TAFA4: variants seen among roughly 807,000 people sequenced by gnomAD.
TAFA4 encodes the protein TAFA chemokine like family member 4.
A neutral mutation model predicts 21.1 loss-of-function variants in TAFA4; 20 were observed. The ratio of observed to expected loss-of-function variants is 0.95; its 90% CI spans 0.67 to 1.38. TAFA4 has a LOEUF of 1.38. Among genes scored for constraint, TAFA4 ranks in the 40% most tolerant of loss-of-function variants. The pLI, the probability that TAFA4 is intolerant of heterozygous loss-of-function variation, is 0.00. For synonymous variants in TAFA4, 71 were observed against 67.4 expected (o/e 1.05, Z -0.26); for missense variants, 211 against 180.9 (o/e 1.17, Z -0.95).
rs976994577 is a variant in TAFA4 at position 68,807,133 on chromosome 3, C to A, written c.131-54115G>T. ...CCCTTGTTTGCCTCAGCTGATCGGT[C>A]TAGGGCAGCTAATCCACAGGCTGGC... On this transcript the variant is annotated intron_variant, in intron 3 of 5. Transcript: ENST00000295569. Among the ~76,000 whole-genome samples the A allele has an allele frequency of 4.6e-5, 7 of 152,204 alleles. No individual in the cohort carries two copies. In the South Asian group the frequency reaches 1.4e-3, roughly 32 times the overall value.
intron 3 of TAFA4, among the ~76,000 whole-genome samples, chr3:68,808,226 C>T (rs1703746308): frequency 3.9e-5 from 6 of 152,146 alleles, no homozygotes; most frequent in Admixed American, 3.3e-4. Context: ...TGTTCACATA[C>T]ATGAGCAAGC....
At chr3:68,829,653 T>A (rs931678806) in intron 3 of TAFA4, among the ~76,000 whole-genome samples, 2 of 152,180 alleles carry the variant, frequency 1.3e-5, no homozygotes, top group Non-Finnish European at 2.9e-5. Flanking sequence ...AATTCTCTTT[T>A]TCTGTTGGGT....
intron 3 of TAFA4, among the ~76,000 whole-genome samples, chr3:68,868,287 G>C (rs917190882): frequency 6.6e-6 from 1 of 152,004 alleles, no homozygotes; most frequent in Admixed American, 6.6e-5. Flanking sequence ...AATTCAGCAA[G>C]AGGATATAAC....
At chr3:68,791,956 T>C (rs562083337) in intron 3 of TAFA4, among the ~76,000 whole-genome samples, 125 of 152,312 alleles carry the variant, frequency 8.2e-4, no homozygotes, top group African/African-American at 2.8e-3. Flanking sequence ...TCAGGCATAC[T>C]CCTGTACCCT....
intron 3 of TAFA4, among the ~76,000 whole-genome samples, chr3:68,754,504 G>C (rs1702621797): frequency 6.6e-6 from 1 of 152,152 alleles, no homozygotes; most frequent in Non-Finnish European, 1.5e-5. Flanking sequence ...GATTGTCCCA[G>C]AAGTGATTCT....
At chr3:68,737,228 T>G (rs549901068) in intron 5 of TAFA4, among the ~76,000 whole-genome samples, 2 of 152,174 alleles carry the variant, frequency 1.3e-5, no homozygotes, top group East Asian at 3.9e-4. Flanking sequence ...TACTCCAAGA[T>G]TTTCACTTAG....
intron 3 of TAFA4, among the ~76,000 whole-genome samples, chr3:68,808,335 C>A (rs1703748875): frequency 1.3e-5 from 2 of 152,312 alleles, no homozygotes; most frequent in South Asian, 4.2e-4. Context: ...TGTCTCCTGT[C>A]TCATGACCTC....
intron 3 of TAFA4, among the ~76,000 whole-genome samples, chr3:68,813,288 T>C (rs927479996): frequency 6.6e-6 from 1 of 151,934 alleles, no homozygotes; most frequent in Non-Finnish European, 1.5e-5. Flanking sequence ...AGCAAACACA[T>C]TCAAAAGCTA....
chr3:68,849,849 C>G (rs1471247775), intron 3 of TAFA4, among the ~76,000 whole-genome samples: 2 of 152,194 alleles, frequency 1.3e-5, no homozygotes, highest in African/African-American at 4.8e-5. Flanking sequence ...ACTTCAACAG[C>G]CCTCAACAGG....
At chr3:68,864,658 T>C (rs1429727773) in intron 3 of TAFA4, among the ~76,000 whole-genome samples, 1 of 152,150 alleles carries the variant, frequency 6.6e-6, no homozygotes, top group Non-Finnish European at 1.5e-5. Context: ...ACAGCAGCTG[T>C]ATTTATGATA....
At chr3:68,811,343 G>A (rs1021485618) in intron 3 of TAFA4, among the ~76,000 whole-genome samples, 1 of 152,186 alleles carries the variant, frequency 6.6e-6, no homozygotes, top group Non-Finnish European at 1.5e-5. Flanking sequence ...GACAAGCTGA[G>A]ACAAGAAGGC....
intron 1 of TAFA4, among the ~76,000 whole-genome samples, chr3:68,902,410 C>T (rs1244295699): frequency 6.6e-6 from 1 of 151,892 alleles, no homozygotes. Flanking sequence ...TTCTGTTGTT[C>T]AGGCTGGACT....
intron 3 of TAFA4, among the ~76,000 whole-genome samples, chr3:68,808,256 A>G (rs1211896063): frequency 2.0e-5 from 3 of 152,142 alleles, no homozygotes; most frequent in African/African-American, 7.2e-5. Flanking sequence ...TGACCCTTCC[A>G]CTGGCAGTTT....
intron 3 of TAFA4, among the ~76,000 whole-genome samples, chr3:68,871,846 C>T (rs186126082): frequency 6.6e-6 from 1 of 152,114 alleles, no homozygotes; most frequent in African/African-American, 2.4e-5. Context: ...CAAAACCACA[C>T]TGAGATATCA....
At chr3:68,735,046 G>C (rs995609981) in intron 5 of TAFA4, among the ~76,000 whole-genome samples, 1 of 152,046 alleles carries the variant, frequency 6.6e-6, no homozygotes, top group Non-Finnish European at 1.5e-5. Context: ...CGGATACAAG[G>C]CTACTAAGAT....
intron 3 of TAFA4, among the ~76,000 whole-genome samples, chr3:68,828,038 C>T (rs964231387): frequency 1.3e-5 from 2 of 152,070 alleles, no homozygotes; most frequent in Admixed American, 1.3e-4. Context: ...GTCTTTAATC[C>T]ATCTTGAGTT....
At chr3:68,770,552 G>T (rs1248502224) in intron 3 of TAFA4, among the ~76,000 whole-genome samples, 1 of 152,102 alleles carries the variant, frequency 6.6e-6, no homozygotes, top group African/African-American at 2.4e-5. Flanking sequence ...TTCAAACTAG[G>T]GTATGTGAAC....
intron 1 of TAFA4, among the ~76,000 whole-genome samples, chr3:68,927,755 G>A (rs1328551973): frequency 2.6e-5 from 4 of 151,842 alleles, no homozygotes; most frequent in Admixed American, 6.6e-5. Context: ...CAAATTAGCT[G>A]GGCGTGATGG....
chr3:68,764,856 T>C lies in TAFA4; in HGVS notation c.131-11838A>G, dbSNP rs1702818844. 2.0e-5 allele frequency among the ~76,000 whole-genome samples: 3 copies of C among 152,058 alleles called. No individual in the cohort carries two copies. In the South Asian group the frequency reaches 6.2e-4, roughly 31 times the overall value. The stretch of plus-strand genomic sequence containing the variant: ...ATAGTTGCAAAGACACAGAAAAGAA[T>C]GCAAAAAACTCTCCATTTGGAGGCA... On this transcript the variant is annotated intron_variant, in intron 3 of 5. Transcript: ENST00000295569.
Sources: gnomAD v4.1 joint callset for allele counts (sites outside exome capture counted in the v4.1 genomes callset) on GRCh38, gnomAD v4.1.1 for gene constraint, MANE v1.5 for transcripts, NCBI Gene and HGNC (gene_info 2026-07-23, HGNC 2026-07-21) for gene names.